The following UNC13C variants were observed in gnomAD, a reference collection of about 807,000 sequenced individuals.
UNC13C encodes the protein unc-13 homolog C, also known as protein unc-13 homolog C.
In UNC13C, 174 loss-of-function variants were observed where a neutral mutation model predicts 245.4. That is an observed-to-expected ratio of 0.71 (90% CI 0.63 to 0.80). The LOEUF is 0.80. Ranked by LOEUF, UNC13C falls within the 30% of genes least tolerant of loss-of-function variation. UNC13C has a pLI of 0.00. For missense variants in UNC13C, 2,829 were observed against 2,602.9 expected, an observed-to-expected ratio of 1.09 and a Z score of -1.89; for synonymous variants, 992 against 895.1, an observed-to-expected ratio of 1.11 and a Z score of -1.93.
intron 14 of UNC13C, among the ~76,000 whole-genome samples, chr15:54,325,492 T>C (rs1486941263): frequency 6.6e-6 from 1 of 152,048 alleles, no homozygotes; most frequent in Non-Finnish European, 1.5e-5. Context: ...ACTTGTGCCA[T>C]GTTGGTTTGC....
rs575628434 is a variant in UNC13C at position 54,370,209 on chromosome 15, C to T, written c.4714-22839C>T. ...TGGCTTGCTACATCTTTTCAGCAAG[C>T]GTCAAATTGTACAGATATCCAGTCT... On this transcript the variant is annotated intron_variant, in intron 17 of 32. Coordinates refer to ENST00000260323, the MANE Select transcript of UNC13C (RefSeq NM_001080534.3). Among the ~76,000 whole-genome samples, 36 of 152,142 alleles carry T rather than the reference C, an allele frequency of 2.4e-4. 1 individual carries two copies. Among genetic ancestry groups the T allele is most frequent in the African/African-American group, 7.7e-4 (32 of 41,524 alleles).
At chr15:54,073,946 C>A (rs1296018636) in intron 2 of UNC13C, among the ~76,000 whole-genome samples, 2 of 151,952 alleles carry the variant, frequency 1.3e-5, no homozygotes, top group East Asian at 1.9e-4. Context: ...GTCATGAAGT[C>A]TTTGCCCATG....
At chr15:54,183,225 C>T (rs929926450) in intron 4 of UNC13C, among the ~76,000 whole-genome samples, 3 of 151,646 alleles carry the variant, frequency 2.0e-5, no homozygotes, top group African/African-American at 7.2e-5. Context: ...TAAATACATT[C>T]TTTAAGTTTA....
the UNC13C span, among the ~76,000 whole-genome samples, chr15:53,934,158 T>G: frequency 5.9e-5 from 9 of 152,370 alleles, no homozygotes; most frequent in South Asian, 1.9e-3. Flanking sequence ...TCTCACTTGC[T>G]ATTGAAAGGA....
At chr15:54,426,764 G>A (rs572528965) in intron 19 of UNC13C, among the ~76,000 whole-genome samples, 20 of 151,828 alleles carry the variant, frequency 1.3e-4, no homozygotes, top group African/African-American at 4.1e-4. Context: ...TTACTTACCC[G>A]CCATGCAACA....
intron 19 of UNC13C, among the ~76,000 whole-genome samples, chr15:54,437,566 T>C (rs925577396): frequency 6.6e-6 from 1 of 151,922 alleles, no homozygotes; most frequent in Non-Finnish European, 1.5e-5. Flanking sequence ...CATTTTCCTG[T>C]AAGTCACGCC....
chr15:54,292,381 C>T (rs141387484), intron 10 of UNC13C, among the ~76,000 whole-genome samples: 3 of 151,966 alleles, frequency 2.0e-5, no homozygotes, highest in South Asian at 2.1e-4. Flanking sequence ...ATGCCAGTAA[C>T]GTCCGTGAAT....
chr15:54,475,315 T>G (rs1892674499), intron 19 of UNC13C, among the ~76,000 whole-genome samples: 1 of 119,490 alleles, frequency 8.4e-6, no homozygotes, highest in Middle Eastern at 4.5e-3. Flanking sequence ...ATTATTATTA[T>G]TATTATTATA....
chr15:54,061,114 T>C (rs953687730), intron 2 of UNC13C, among the ~76,000 whole-genome samples: 8 of 4,502 alleles, frequency 1.8e-3, no homozygotes, highest in Admixed American at 0.013. Context: ...ACTTAAAGTA[T>C]AATAATAATA....
the UNC13C span, among the ~76,000 whole-genome samples, chr15:53,885,168 T>C: frequency 6.6e-6 from 1 of 152,338 alleles, no homozygotes; most frequent in East Asian, 1.9e-4. Context: ...GCTCAGTTCT[T>C]TGAACAAACG....
chr15:53,879,274 A>C, the UNC13C span, among the ~76,000 whole-genome samples: 1 of 151,954 alleles, frequency 6.6e-6, no homozygotes, highest in Non-Finnish European at 1.5e-5. Flanking sequence ...TGATACTCCC[A>C]CCTGAGCCTC....
intron 18 of UNC13C, among the ~76,000 whole-genome samples, chr15:54,395,238 C>G (rs2040045683): frequency 6.6e-6 from 1 of 151,774 alleles, no homozygotes; most frequent in Non-Finnish European, 1.5e-5. Context: ...AAGATGGCAT[C>G]CTGGTGGCCA....
intron 30 of UNC13C, among the ~76,000 whole-genome samples, chr15:54,602,395 G>A (rs1020648529): frequency 3.3e-5 from 5 of 152,142 alleles, no homozygotes; most frequent in African/African-American, 9.7e-5. Context: ...ACATACCTGT[G>A]CCCTCCTTAC....
Position 54,418,907 on chromosome 15 carries a change from T to C in UNC13C, c.4933+3840T>C, listed in dbSNP as rs140934992. On this transcript the variant is annotated intron_variant, in intron 19 of 32. Coordinates refer to ENST00000260323, the MANE Select transcript of UNC13C (RefSeq NM_001080534.3). ...AAGCACAGTTCCTCTTTCACACTTATAGTAAGCACATTCCACAGTTTCCTC... is the reference window on the plus strand; with the variant it reads ...AAGCACAGTTCCTCTTTCACACTTACAGTAAGCACATTCCACAGTTTCCTC... Among the ~76,000 whole-genome samples, 24 of 152,188 alleles carry C rather than the reference T, an allele frequency of 1.6e-4. 1 individual carries two copies. The highest frequency in any genetic ancestry group is 3.9e-4 in the Admixed American group (6 of 15,272).
chr15:53,935,486 C>T, the UNC13C span, among the ~76,000 whole-genome samples: 1 of 152,220 alleles, frequency 6.6e-6, no homozygotes, highest in East Asian at 1.9e-4. Flanking sequence ...ATAAGGACTT[C>T]TCATGATCCA....
chr15:54,026,215 T>A (rs879386641), intron 2 of UNC13C, among the ~76,000 whole-genome samples: 5 of 152,212 alleles, frequency 3.3e-5, no homozygotes, highest in African/African-American at 4.8e-5. Flanking sequence ...TCATATATAT[T>A]GAATCCTCAT....
At chr15:54,118,672 T>C (rs536682065) in intron 2 of UNC13C, among the ~76,000 whole-genome samples, 1 of 152,130 alleles carries the variant, frequency 6.6e-6, no homozygotes, top group South Asian at 2.1e-4. Flanking sequence ...GGACTTCCAG[T>C]ATTATATTGG....
intron 13 of UNC13C, among the ~76,000 whole-genome samples, chr15:54,317,264 A>G (rs1267350043): frequency 6.6e-6 from 1 of 151,962 alleles, no homozygotes; most frequent in Non-Finnish European, 1.5e-5. Flanking sequence ...AGCACTAATG[A>G]TAAACGTGTG....
At chr15:54,528,332 T>C (rs1895576489) in intron 25 of UNC13C, among the ~76,000 whole-genome samples, 1 of 149,928 alleles carries the variant, frequency 6.7e-6, no homozygotes. Context: ...TTTTTTTTTT[T>C]TCTTATTAAC....
Sources: gnomAD v4.1 joint callset for allele counts (sites outside exome capture counted in the v4.1 genomes callset) on GRCh38, gnomAD v4.1.1 for gene constraint, MANE v1.5 for transcripts, NCBI Gene and HGNC (gene_info 2026-07-23, HGNC 2026-07-21) for gene names.